Variants in DCT observed in about 807,000 individuals in gnomAD.
DCT encodes dopachrome tautomerase.
Under a neutral mutation model 53.0 loss-of-function variants are expected in DCT, and 47 were observed. The ratio of observed to expected loss-of-function variants is 0.89; its 90% CI spans 0.70 to 1.13. DCT has a LOEUF of 1.13. Ranked by LOEUF, DCT falls within the 50% of genes most tolerant of loss-of-function variation. The pLI, the probability that DCT is intolerant of heterozygous loss-of-function variation, is 0.00. For missense variants in DCT, 669 were observed against 637.4 expected (o/e 1.05, Z -0.53); for synonymous variants, 244 against 237.0 (o/e 1.03, Z -0.27).
upstream of DCT, among the ~76,000 whole-genome samples, chr13:94,480,080 T>C (rs1050133923): frequency 6.6e-6 from 1 of 152,144 alleles, no homozygotes; most frequent in Admixed American, 6.5e-5. Context: ...AAAGAAACAT[T>C]TATGTAGAAC....
upstream of DCT, among the ~76,000 whole-genome samples, chr13:94,482,195 G>C (rs530953149): frequency 4.9e-4 from 74 of 152,340 alleles, no homozygotes; most frequent in Admixed American, 7.8e-4. Context: ...TGTGCAGTTG[G>C]ATCACGTGTT....
At chr13:94,502,614 C>T in the DCT span, among the ~76,000 whole-genome samples, 1 of 152,182 alleles carries the variant, frequency 6.6e-6, no homozygotes, top group South Asian at 2.1e-4. Context: ...GCTTGCTTGG[C>T]CTCTTTGTAG....
the DCT span, among the ~76,000 whole-genome samples, chr13:94,489,904 C>A: frequency 1.3e-5 from 2 of 152,052 alleles, no homozygotes; most frequent in Admixed American, 1.3e-4. Flanking sequence ...TATTACTACC[C>A]AGAAATGAAG....
the DCT span, among the ~76,000 whole-genome samples, chr13:94,534,681 AC>A: frequency 2.6e-5 from 4 of 152,360 alleles, no homozygotes; most frequent in East Asian, 7.7e-4. Context: ...TTTCTGCTCT[AC>A]TGCCATCGGC....
the DCT span, among the ~76,000 whole-genome samples, chr13:94,518,081 G>T: frequency 1.4e-5 from 2 of 147,342 alleles, no homozygotes; most frequent in Non-Finnish European, 3.0e-5. Context: ...AGAAAAGAAG[G>T]AAGGAAGGAA....
chr13:94,460,558 T>C (rs1164045856), intron 5 of DCT, among the ~76,000 whole-genome samples: 1 of 152,208 alleles, frequency 6.6e-6, no homozygotes, highest in Non-Finnish European at 1.5e-5. Flanking sequence ...CAGCAGATTG[T>C]CTGTGATCAG....
upstream of DCT, among the ~76,000 whole-genome samples, chr13:94,483,808 T>G (rs1433213418): frequency 6.6e-6 from 1 of 152,164 alleles, no homozygotes; most frequent in Non-Finnish European, 1.5e-5. Flanking sequence ...CCGGCCCATA[T>G]GACTTAGTTT....
chr13:94,441,336 TTA>T (rs1317492317), intron 7 of DCT, among the ~76,000 whole-genome samples: 4 of 152,344 alleles, frequency 2.6e-5, no homozygotes, highest in African/African-American at 9.6e-5. Context: ...TTTTAAAAAA[TTA>T]TGTTTTAGAA....
chr13:94,450,773 T>C (rs1883027800), intron 6 of DCT, among the ~76,000 whole-genome samples: 1 of 152,164 alleles, frequency 6.6e-6, no homozygotes, highest in Admixed American at 6.5e-5. Flanking sequence ...ACCAAGGTGA[T>C]GCTAGAAGAG....
the DCT span, among the ~76,000 whole-genome samples, chr13:94,518,141 GGA>G: frequency 7.6e-6 from 1 of 131,864 alleles, no homozygotes; most frequent in Admixed American, 7.3e-5. Context: ...AAGGAAGGAA[GGA>G]AGGAAGGAAG....
At chr13:94,478,503 G>A (rs1448972229) in intron 1 of DCT, among the ~76,000 whole-genome samples, 1 of 152,114 alleles carries the variant, frequency 6.6e-6, no homozygotes, top group Non-Finnish European at 1.5e-5. Context: ...AGAGAGATCT[G>A]TTCAAATCAT....
chr13:94,505,246 C>T, the DCT span, among the ~76,000 whole-genome samples: 1 of 150,882 alleles, frequency 6.6e-6, no homozygotes, highest in Non-Finnish European at 1.5e-5. Flanking sequence ...CTTACTAGGT[C>T]TTAGATTTTT....
intron 6 of DCT, chr13:94,445,702 C>G (rs755684): frequency 1.3e-6 from 2 of 1,563,434 alleles, no homozygotes. Flanking sequence ...AGTAGAGCCT[C>G]CCAGGCTCAT....
intron 1 of DCT, among the ~76,000 whole-genome samples, chr13:94,477,418 G>A (rs111909084): frequency 0.024 from 3,340 of 141,216 alleles, 123 homozygotes; most frequent in African/African-American, 0.082. Context: ...CTCTTAATGT[G>A]AAAAAAGAAA....
the DCT span, among the ~76,000 whole-genome samples, chr13:94,547,860 G>C: frequency 3.3e-4 from 49 of 149,828 alleles, 1 homozygote; most frequent in Admixed American, 2.3e-3. Context: ...CATGGTGGCG[G>C]GTGCCTGTAA....
At position 94,438,578 on chromosome 13, in the gene DCT, G is replaced by A. The variant is rs951191678; in HGVS notation, c.*1320C>T. 4.8e-5 allele frequency: 22 copies of A among 455,784 alleles called. No homozygotes were observed. In the East Asian group the frequency reaches 8.3e-4, roughly 17 times the overall value. 28.2% of individuals were successfully genotyped at this position (455,784 alleles called of 1,614,324 possible). A position where few individuals can be genotyped will look rare whatever the true frequency, so the allele number is the denominator to read the frequency against. On this transcript the variant is annotated 3_prime_UTR_variant, in exon 8 of 8. Transcript: ENST00000377028. Reference sequence around the variant, plus strand: ...AGAGGGGCCTCGACAGACAAGCCACGCCCTAGAACTTCAGTCTCACTCCTG... The same window carrying A: ...AGAGGGGCCTCGACAGACAAGCCACACCCTAGAACTTCAGTCTCACTCCTG...
At chr13:94,441,945 A>T (rs1428763400) in intron 7 of DCT, among the ~76,000 whole-genome samples, 1 of 152,046 alleles carries the variant, frequency 6.6e-6, no homozygotes, top group Non-Finnish European at 1.5e-5. Flanking sequence ...TGGCTGCACC[A>T]TTTTACATTC....
chr13:94,511,903 G>A, the DCT span, among the ~76,000 whole-genome samples: 18 of 149,692 alleles, frequency 1.2e-4, no homozygotes, highest in South Asian at 2.1e-4. Context: ...TTGCTCTGTC[G>A]CTCAGGCTGG....
chr13:94,478,695 C>A (rs957552664), intron 1 of DCT, among the ~76,000 whole-genome samples: 2 of 152,246 alleles, frequency 1.3e-5, no homozygotes, highest in Non-Finnish European at 2.9e-5. Context: ...TTCCAACAAA[C>A]AAGCCAATAG....
Sources: gnomAD v4.1 joint callset for allele counts (sites outside exome capture counted in the v4.1 genomes callset) on GRCh38, gnomAD v4.1.1 for gene constraint, MANE v1.5 for transcripts, NCBI Gene and HGNC (gene_info 2026-07-23, HGNC 2026-07-21) for gene names.